GLIS3: variants seen among roughly 807,000 people sequenced by gnomAD.
The protein encoded by GLIS3 is zinc finger protein GLIS3.
In GLIS3, 53 loss-of-function variants were observed where a neutral mutation model predicts 78.6. That is an observed-to-expected ratio of 0.67 (90% CI 0.54 to 0.85). GLIS3 has a LOEUF of 0.85. GLIS3 is among the 40% of genes least tolerant of loss of function. GLIS3 has a pLI of 0.00. For missense variants in GLIS3, 1,703 were observed against 1,231.1 expected (o/e 1.38, Z -5.74); for synonymous variants, 684 against 509.9 (o/e 1.34, Z -4.60).
the GLIS3 span, among the ~76,000 whole-genome samples, chr9:4,465,603 T>C: frequency 1.1e-4 from 17 of 152,336 alleles, no homozygotes; most frequent in African/African-American, 4.1e-4. Context: ...ACTGGATTTA[T>C]TTGTAAATCC....
intron 2 of GLIS3, among the ~76,000 whole-genome samples, chr9:4,155,134 G>A (rs1470034175): frequency 6.6e-6 from 1 of 151,820 alleles, no homozygotes; most frequent in Non-Finnish European, 1.5e-5. Context: ...TCTTTTTTCG[G>A]TATTTAAAAA....
At chr9:4,443,494 A>G in the GLIS3 span, among the ~76,000 whole-genome samples, 1 of 152,226 alleles carries the variant, frequency 6.6e-6, no homozygotes, top group Non-Finnish European at 1.5e-5. Flanking sequence ...AAAATAAACA[A>G]TGAAGATGCA....
the GLIS3 span, among the ~76,000 whole-genome samples, chr9:4,359,206 G>A: frequency 7.2e-5 from 11 of 152,072 alleles, no homozygotes; most frequent in Non-Finnish European, 1.3e-4. Context: ...CCACCGCTCT[G>A]CATACACCGA....
the GLIS3 span, among the ~76,000 whole-genome samples, chr9:4,397,679 AGGG>A: frequency 0.071 from 217 of 3,036 alleles, no homozygotes; most frequent in African/African-American, 0.085. Flanking sequence ...GGAGGGAGGA[AGGG>A]AGGGAGGGAG....
At chr9:4,080,590 T>C (rs1211556151) in intron 4 of GLIS3, among the ~76,000 whole-genome samples, 1 of 152,206 alleles carries the variant, frequency 6.6e-6, no homozygotes, top group East Asian at 1.9e-4. Context: ...CCAAGGATTT[T>C]AAAAATTAAT....
intron 2 of GLIS3, among the ~76,000 whole-genome samples, chr9:4,142,632 A>C (rs972138202): frequency 2.6e-5 from 4 of 152,338 alleles, no homozygotes; most frequent in Non-Finnish European, 5.9e-5. Context: ...CCTTGAAACA[A>C]ATCCAGTTTG....
chr9:4,419,526 A>G, the GLIS3 span, among the ~76,000 whole-genome samples: 4 of 152,186 alleles, frequency 2.6e-5, no homozygotes, highest in East Asian at 1.9e-4. Flanking sequence ...GCGGTGGCTC[A>G]TGCTTGTAAT....
intron 4 of GLIS3, among the ~76,000 whole-genome samples, chr9:4,050,244 A>G (rs556631495): frequency 2.0e-5 from 3 of 152,316 alleles, no homozygotes; most frequent in East Asian, 3.9e-4. Context: ...TGGCACATAT[A>G]CCCCATGGAA....
chr9:4,384,456 C>T, the GLIS3 span, among the ~76,000 whole-genome samples: 3 of 151,950 alleles, frequency 2.0e-5, no homozygotes, highest in Non-Finnish European at 4.4e-5. Context: ...GATTGTTTGC[C>T]AATGGCATTG....
At chr9:4,361,269 C>A in the GLIS3 span, among the ~76,000 whole-genome samples, 2 of 152,184 alleles carry the variant, frequency 1.3e-5, no homozygotes, top group Non-Finnish European at 2.9e-5. Flanking sequence ...AAAGACTGAC[C>A]TCCTTGTCTC....
At chr9:4,043,872 A>G in intron 4 of GLIS3, among the ~76,000 whole-genome samples, 1 of 152,322 alleles carries the variant, frequency 6.6e-6, no homozygotes, top group Middle Eastern at 3.4e-3. Flanking sequence ...TGGAGAACAC[A>G]ATGCAAGTCT....
chr9:4,156,502 T>C (rs1301843678), intron 2 of GLIS3, among the ~76,000 whole-genome samples: 1 of 152,136 alleles, frequency 6.6e-6, no homozygotes, highest in East Asian at 1.9e-4. Context: ...GAAACAAAGG[T>C]GGGATCATCT....
intron 6 of GLIS3, among the ~76,000 whole-genome samples, chr9:3,926,233 G>C (rs368109986): frequency 1.5e-5 from 2 of 135,154 alleles, no homozygotes. Context: ...TTTTTCTTTT[G>C]TTTTTTTTTT....
At chr9:4,005,902 G>A (rs1055004818) in intron 4 of GLIS3, among the ~76,000 whole-genome samples, 1 of 152,154 alleles carries the variant, frequency 6.6e-6, no homozygotes, top group African/African-American at 2.4e-5. Context: ...CTTCCCTTCA[G>A]TTGTCTGTTA....
chr9:4,249,048 G>A (rs1446088755), intron 2 of GLIS3, among the ~76,000 whole-genome samples: 3 of 152,164 alleles, frequency 2.0e-5, no homozygotes. Context: ...AGTATAGTTT[G>A]AAGTCAGGTA....
At chr9:4,132,719 C>T (rs778639943) in intron 2 of GLIS3, among the ~76,000 whole-genome samples, 1 of 152,058 alleles carries the variant, frequency 6.6e-6, no homozygotes, top group Non-Finnish European at 1.5e-5. Flanking sequence ...GATCCCTGCT[C>T]CTAGGCTGGG....
intron 2 of GLIS3, among the ~76,000 whole-genome samples, chr9:4,164,251 C>T (rs940888808): frequency 6.6e-6 from 1 of 152,176 alleles, no homozygotes; most frequent in African/African-American, 2.4e-5. Context: ...GGAAGGCAAA[C>T]CCTGGGAAAA....
chr9:3,858,008 AGATCCCCAGAGATGGAG>A (rs1819902046), intron 8 of GLIS3, among the ~76,000 whole-genome samples: 1 of 152,222 alleles, frequency 6.6e-6, no homozygotes, highest in African/African-American at 2.4e-5. Flanking sequence ...TGGTCCTTAA[AGATCCCCAGAGATGGAG>A]GCGGGAAGGA....
the GLIS3 span, among the ~76,000 whole-genome samples, chr9:4,425,819 C>T: frequency 2.6e-4 from 39 of 152,174 alleles, no homozygotes; most frequent in Non-Finnish European, 3.7e-4. Context: ...TGATGCACAG[C>T]GGTGGTATTT....
Sources: allele counts gnomAD v4.1 joint callset (sites outside exome capture counted in the v4.1 genomes callset), GRCh38; gene constraint gnomAD v4.1.1; transcripts MANE v1.5; gene names NCBI Gene and HGNC (gene_info 2026-07-23, HGNC 2026-07-21).